Variants in DGKH observed in about 807,000 individuals in gnomAD.
DGKH encodes DAG kinase eta.
Under a neutral mutation model 159.3 loss-of-function variants are expected in DGKH, and 90 were observed. The ratio of observed to expected loss-of-function variants is 0.57; its 90% confidence interval spans 0.48 to 0.67. The LOEUF (loss-of-function observed/expected upper bound fraction) is 0.67. DGKH is among the 30% of genes least tolerant of loss of function. The pLI, the probability that DGKH is intolerant of heterozygous loss-of-function variation, is 0.00. For synonymous variants in DGKH, 536 were observed against 553.8 expected, an observed-to-expected ratio of 0.97 and a Z score of 0.45; for missense variants, 1,181 against 1,506.1, an observed-to-expected ratio of 0.78 and a Z score of 3.57.
chr13:42,109,183 G>A (rs1332551006), intron 1 of DGKH, among the ~76,000 whole-genome samples: 1 of 152,186 alleles, frequency 6.6e-6, no homozygotes, highest in Non-Finnish European at 1.5e-5. Context: ...GGACAGGAAC[G>A]AGAGTAACAC....
At chr13:42,091,562 A>G (rs1381193720) in intron 1 of DGKH, among the ~76,000 whole-genome samples, 1 of 152,234 alleles carries the variant, frequency 6.6e-6, no homozygotes, top group Non-Finnish European at 1.5e-5. Context: ...AAGCAACAAA[A>G]GCATAAATAG....
At chr13:42,134,103 A>C (rs1955348691) in intron 3 of DGKH, among the ~76,000 whole-genome samples, 1 of 152,204 alleles carries the variant, frequency 6.6e-6, no homozygotes, top group Admixed American at 6.5e-5. Flanking sequence ...TAAACGGTAA[A>C]TGGAAAATGG....
intron 8 of DGKH, among the ~76,000 whole-genome samples, chr13:42,166,235 C>T (rs1192403991): frequency 6.6e-6 from 1 of 152,040 alleles, no homozygotes; most frequent in Admixed American, 6.6e-5. Context: ...GCCCTCTCCC[C>T]CAACCTAAGC....
intron 13 of DGKH, among the ~76,000 whole-genome samples, chr13:42,179,387 A>C (rs905878343): frequency 2.6e-5 from 4 of 152,210 alleles, no homozygotes; most frequent in African/African-American, 9.6e-5. Context: ...TTATTGCTTA[A>C]TTTTTCTTGT....
At position 42,199,898 on chromosome 13, in the gene DGKH, G is replaced by T. The variant is rs146247217; in HGVS notation, c.2482G>T (p.Val828Phe). 6.2e-7 allele frequency: 1 copy of T among 1,609,630 alleles called. No homozygotes were observed. Among genetic ancestry groups the T allele is most frequent in the African/African-American group, 1.3e-5 (1 of 74,746 alleles). ...QRSYKNLEQR[V>F]QLECDGQYIP... ...ATCGTACAAGAATTTAGAACAAAGG[G>T]TTCAACTTGAGGTAAGTTCATCTTA... Residue 828 changes from valine (V) to phenylalanine (F), a missense_variant, in exon 20 of 30, where the codon GTT becomes TTT. Coordinates refer to ENST00000337343, the MANE Select transcript of DGKH (RefSeq NM_178009.5).
At chr13:42,168,417 A>G in intron 9 of DGKH, 23 bp from the exon 10 acceptor site, 1 of 1,595,810 alleles carries the variant, frequency 6.3e-7, no homozygotes. Flanking sequence ...TTTATACTAA[A>G]ATAAAATCCT....
chr13:42,197,042 T>G (rs936145868), intron 17 of DGKH, among the ~76,000 whole-genome samples: 1 of 151,812 alleles, frequency 6.6e-6, no homozygotes, highest in African/African-American at 2.4e-5. Context: ...TCACCTGAGG[T>G]CAGGAGTTTG....
chr13:42,209,268 A>G (rs545271227), intron 22 of DGKH, 63 bp from the exon 23 acceptor site: 3 of 1,559,906 alleles, frequency 1.9e-6, no homozygotes, highest in African/African-American at 2.7e-5. Flanking sequence ...TCAAGCCTTC[A>G]TAAAGATTGA....
chr13:42,106,600 A>C (rs753781926), intron 1 of DGKH, among the ~76,000 whole-genome samples: 2 of 152,194 alleles, frequency 1.3e-5, no homozygotes, highest in Middle Eastern at 3.2e-3. Context: ...GAAGAAATAA[A>C]GTAATTTGGA....
chr13:42,215,678 G>A lies in DGKH; in HGVS notation c.3213+11G>A, dbSNP rs1594224866. ...GGCAGGGTTCCTTTGGTAAGGAAAA[G>A]AATGACTGGTAACATAAGAATGATG... On this transcript the variant is annotated intron_variant, in intron 26 of 29. Transcript: ENST00000337343. The A allele has an allele frequency of 3.8e-6, 6 of 1,599,820 alleles. No individual in the cohort carries two copies. The highest frequency in any genetic ancestry group is 1.7e-5 in the Admixed American group (1 of 59,394).
chr13:42,249,340 C>A (rs1424282285), intron 29 of DGKH, among the ~76,000 whole-genome samples: 1 of 152,116 alleles, frequency 6.6e-6, no homozygotes, highest in African/African-American at 2.4e-5. Flanking sequence ...TGAGCCCGGC[C>A]CTCTTGGTTG....
At chr13:42,127,723 C>A (rs2137841460) in intron 2 of DGKH, 150 bp downstream of exon 2, 3 of 620,922 alleles carry the variant, frequency 4.8e-6, no homozygotes, top group Non-Finnish European at 8.5e-6. Flanking sequence ...GTGACCCCAT[C>A]CCAAGCGGGT....
chr13:42,158,194 T>A (rs1177226883), intron 5 of DGKH, among the ~76,000 whole-genome samples: 1 of 152,266 alleles, frequency 6.6e-6, no homozygotes, highest in Non-Finnish European at 1.5e-5. Flanking sequence ...TTTGTTTTCG[T>A]GTTATATCCA....
intron 9 of DGKH, 103 bp from the exon 10 acceptor site, chr13:42,168,337 T>G: frequency 3.1e-6 from 3 of 953,100 alleles, no homozygotes; most frequent in Non-Finnish European, 4.6e-6. Context: ...AAGTAGGAGT[T>G]CTTATATTTA....
At chr13:42,195,575 G>T (rs1161762502) in intron 17 of DGKH, among the ~76,000 whole-genome samples, 1 of 152,220 alleles carries the variant, frequency 6.6e-6, no homozygotes, top group African/African-American at 2.4e-5. Flanking sequence ...CTGGAGTGGA[G>T]TCCAGGAATC....
intron 16 of DGKH, among the ~76,000 whole-genome samples, chr13:42,194,482 T>C (rs1038976873): frequency 6.6e-6 from 1 of 152,242 alleles, no homozygotes; most frequent in Non-Finnish European, 1.5e-5. Context: ...GTGTTTGCTC[T>C]GGGAATTACA....
At chr13:42,151,759 A>C (rs1279751841) in intron 3 of DGKH, among the ~76,000 whole-genome samples, 1 of 151,830 alleles carries the variant, frequency 6.6e-6, no homozygotes, top group African/African-American at 2.4e-5. Flanking sequence ...TAAACATATA[A>C]GTGCAGGTAT....
intron 17 of DGKH, among the ~76,000 whole-genome samples, chr13:42,198,111 A>G (rs1318914140): frequency 6.6e-6 from 1 of 152,206 alleles, no homozygotes; most frequent in African/African-American, 2.4e-5. Context: ...CATTTTGGGT[A>G]ATTCCGCCTT....
At chr13:42,070,251 C>A in intron 1 of DGKH, 5 of 1,164,632 alleles carry the variant, frequency 4.3e-6, no homozygotes, top group Non-Finnish European at 6.5e-6. Flanking sequence ...CTGGAAGTAG[C>A]TGAGTTAAAG....
Sources: allele counts gnomAD v4.1 joint callset (sites outside exome capture counted in the v4.1 genomes callset), GRCh38; gene constraint gnomAD v4.1.1; transcripts MANE v1.5; gene names NCBI Gene and HGNC (gene_info 2026-07-23, HGNC 2026-07-21).